The following KALRN variants were observed in gnomAD, a reference collection of about 807,000 sequenced individuals.
The protein encoded by KALRN is kalirin RhoGEF kinase.
KALRN carries 70 observed loss-of-function variants against 353.7 expected under a neutral mutation model. That is an observed-to-expected ratio of 0.20 (90% CI 0.16 to 0.24). KALRN has a LOEUF of 0.24. Among genes scored for constraint, KALRN ranks in the 10% least tolerant of loss-of-function variants. The probability of loss-of-function intolerance (pLI) is 1.00; values close to 1 mark genes in which losing one functional copy is unlikely to be tolerated. For missense variants in KALRN, 2,791 were observed against 3,756.7 expected (o/e 0.74, Z 6.72); for synonymous variants, 1,391 against 1,434.8 (o/e 0.97, Z 0.69).
intron 15 of KALRN, among the ~76,000 whole-genome samples, chr3:124,426,848 A>T (rs144531348): frequency 3.3e-5 from 5 of 152,362 alleles, no homozygotes; most frequent in African/African-American, 1.2e-4. Flanking sequence ...GATTTGAAAG[A>T]CCTACCTAAT....
intron 1 of KALRN, among the ~76,000 whole-genome samples, chr3:124,053,610 A>G (rs2041247405): frequency 2.0e-5 from 3 of 152,212 alleles, no homozygotes; most frequent in African/African-American, 7.2e-5. Context: ...TATTTTGAAT[A>G]CAAAACGTTA....
intron 5 of KALRN, 143 bp downstream of exon 5, chr3:124,269,398 T>A (rs1172810260): frequency 8.4e-6 from 7 of 836,806 alleles, no homozygotes; most frequent in East Asian, 5.3e-5. Flanking sequence ...GTAATTTTTT[T>A]AAGCTCACCC....
At chr3:124,111,642 C>T (rs553235253) in intron 1 of KALRN, among the ~76,000 whole-genome samples, 10 of 152,226 alleles carry the variant, frequency 6.6e-5, no homozygotes, top group South Asian at 6.2e-4. Flanking sequence ...TTGAGACCTA[C>T]GTGCTCTGAA....
chr3:124,682,829 A>G (rs2061401109), intron 51 of KALRN, among the ~76,000 whole-genome samples: 1 of 152,124 alleles, frequency 6.6e-6, no homozygotes. Context: ...ATTCTGCTCT[A>G]ATGTTTACAT....
chr3:124,430,700 C>G lies in KALRN; in HGVS notation c.2754C>G (p.Ser918Arg). Residue 918 changes from serine (S) to arginine (R), a missense_variant, in exon 16 of 60, where the codon AGC becomes AGG. By Grantham distance (110) the Ser-to-Arg change is moderately radical. Transcript: ENST00000682506. ...ATGGAGAGTCAATGCTCAACGCCAG[C>G]CTGGTCAATGCCAGCTCTTTGTCGG... ...IRNGESMLNA[S>R]LVNASSLSEA... The G allele has an allele frequency of 6.2e-7, 1 of 1,614,204 alleles. No individual in the cohort carries two copies. Among genetic ancestry groups the G allele is most frequent in the Non-Finnish European group, 8.5e-7 (1 of 1,180,008 alleles).
intron 5 of KALRN, among the ~76,000 whole-genome samples, chr3:124,290,104 T>A (rs1285039524): frequency 6.6e-6 from 1 of 152,192 alleles, no homozygotes; most frequent in Non-Finnish European, 1.5e-5. Flanking sequence ...GTCATTTTTG[T>A]CATGCTGAGA....
chr3:124,156,608 G>A (rs375084962), intron 1 of KALRN, among the ~76,000 whole-genome samples: 42 of 152,284 alleles, frequency 2.8e-4, no homozygotes, highest in East Asian at 2.5e-3. Context: ...CAACTTAGCC[G>A]AAGTCCTAAG....
At chr3:124,576,729 G>A (rs554322936) in intron 34 of KALRN, among the ~76,000 whole-genome samples, 7 of 152,264 alleles carry the variant, frequency 4.6e-5, no homozygotes, top group East Asian at 1.9e-4. Flanking sequence ...ACTGTACTCC[G>A]TGAATGTACA....
intron 55 of KALRN, among the ~76,000 whole-genome samples, chr3:124,699,479 G>T (rs1258307339): frequency 6.6e-6 from 1 of 152,152 alleles, no homozygotes; most frequent in Non-Finnish European, 1.5e-5. Flanking sequence ...TTCAATACAT[G>T]TTACTTTCCA....
intron 34 of KALRN, among the ~76,000 whole-genome samples, chr3:124,572,354 A>AC (rs2110071418): frequency 6.6e-6 from 1 of 152,266 alleles, no homozygotes; most frequent in South Asian, 2.1e-4. Flanking sequence ...AAAACAAAAA[A>AC]AAAAACAGGT....
intron 55 of KALRN, among the ~76,000 whole-genome samples, chr3:124,698,694 G>T (rs1405335870): frequency 1.3e-5 from 2 of 151,752 alleles, no homozygotes; most frequent in Non-Finnish European, 1.5e-5. Flanking sequence ...TTCTCCCAGA[G>T]AAATAACTAG....
intron 34 of KALRN, among the ~76,000 whole-genome samples, chr3:124,588,972 A>G (rs1199785655): frequency 6.6e-6 from 1 of 152,162 alleles, no homozygotes; most frequent in Non-Finnish European, 1.5e-5. Flanking sequence ...GACTTACCCA[A>G]ACTGAATCAC....
At chr3:124,495,729 TAAAAAAA>T (rs1170201040) in intron 32 of KALRN, among the ~76,000 whole-genome samples, 2 of 68,234 alleles carry the variant, frequency 2.9e-5, no homozygotes, top group Non-Finnish European at 5.2e-5. Context: ...GACTCCATCT[TAAAAAAA>T]AAAAAAAAAA....
intron 33 of KALRN, among the ~76,000 whole-genome samples, chr3:124,547,700 G>A (rs13325784): frequency 0.13 from 19,485 of 151,670 alleles, 1,820 homozygotes; most frequent in African/African-American, 0.26. Flanking sequence ...ATATCTGATG[G>A]TTACAATGTG....
chr3:124,484,498 G>C (rs933670568), intron 28 of KALRN, among the ~76,000 whole-genome samples: 1 of 152,222 alleles, frequency 6.6e-6, no homozygotes, highest in South Asian at 2.1e-4. Flanking sequence ...GGACTAGTGT[G>C]AGAAAAGAGT....
At chr3:124,391,047 C>T (rs1397390043) in intron 11 of KALRN, among the ~76,000 whole-genome samples, 1 of 152,140 alleles carries the variant, frequency 6.6e-6, no homozygotes, top group Non-Finnish European at 1.5e-5. Flanking sequence ...TCAAATTGGA[C>T]CCATTCTTTT....
intron 34 of KALRN, among the ~76,000 whole-genome samples, chr3:124,572,085 G>A (rs2073576103): frequency 6.6e-6 from 1 of 151,770 alleles, no homozygotes; most frequent in Non-Finnish European, 1.5e-5. Flanking sequence ...CACTTTGGGA[G>A]GCCAAGGCAG....
intron 37 of KALRN, among the ~76,000 whole-genome samples, chr3:124,639,230 C>T (rs2081728790): frequency 1.0e-5 from 1 of 97,070 alleles, no homozygotes; most frequent in African/African-American, 6.2e-5. Flanking sequence ...CATTCAGGGT[C>T]CTACTCAGAT....
At chr3:124,547,253 G>T (rs916154031) in intron 33 of KALRN, among the ~76,000 whole-genome samples, 2 of 152,136 alleles carry the variant, frequency 1.3e-5, no homozygotes, top group African/African-American at 2.4e-5. Context: ...TCCTGCCTGG[G>T]CTTCTCAAAG....
Sources: allele counts gnomAD v4.1 joint callset (sites outside exome capture counted in the v4.1 genomes callset), GRCh38; gene constraint gnomAD v4.1.1; transcripts MANE v1.5; gene names NCBI Gene and HGNC (gene_info 2026-07-23, HGNC 2026-07-21).